SAMD12: variants seen among roughly 807,000 people sequenced by gnomAD.
SAMD12 encodes the protein sterile alpha motif domain containing 12.
SAMD12 carries 9 observed loss-of-function variants against 15.0 expected under a neutral mutation model. That is an observed-to-expected ratio of 0.60 (90% CI 0.36 to 1.05). SAMD12 has a LOEUF of 1.05. Among genes scored for constraint, SAMD12 ranks in the 50% least tolerant of loss-of-function variants. The probability of loss-of-function intolerance (pLI) is 0.01; values close to 1 mark genes in which losing one functional copy is unlikely to be tolerated. For missense variants in SAMD12, 230 were observed against 234.2 expected (o/e 0.98, Z 0.12); for synonymous variants, 86 against 90.1 (o/e 0.96, Z 0.25).
intron 2 of SAMD12, among the ~76,000 whole-genome samples, chr8:118,561,298 A>G (rs1043464715): frequency 7.9e-5 from 12 of 152,224 alleles, no homozygotes; most frequent in Non-Finnish European, 1.5e-4. Context: ...ACATCTCTAT[A>G]TTTTAAATTT....
intron 2 of SAMD12, among the ~76,000 whole-genome samples, chr8:118,507,509 C>A (rs1271249784): frequency 6.6e-6 from 1 of 152,018 alleles, no homozygotes; most frequent in Non-Finnish European, 1.5e-5. Context: ...ATGGAAAAAA[C>A]CCCTGAGGCT....
chr8:118,168,343 C>T, the SAMD12 span, among the ~76,000 whole-genome samples: 2 of 152,154 alleles, frequency 1.3e-5, no homozygotes, highest in Non-Finnish European at 2.9e-5. Context: ...CAACCTGTGT[C>T]CTCTCTTTCC....
intron 4 of SAMD12, among the ~76,000 whole-genome samples, chr8:118,234,422 G>C (rs1390351879): frequency 1.3e-5 from 2 of 152,146 alleles, no homozygotes; most frequent in East Asian, 3.9e-4. Flanking sequence ...CATCTCACTT[G>C]CTGCTGTCTT....
At chr8:118,365,472 C>T (rs547892558) in intron 4 of SAMD12, among the ~76,000 whole-genome samples, 28 of 152,210 alleles carry the variant, frequency 1.8e-4, no homozygotes, top group African/African-American at 5.1e-4. Context: ...CAACTTGTTT[C>T]GTTCTCTCCT....
At chr8:118,279,887 T>C (rs1357577485) in intron 4 of SAMD12, among the ~76,000 whole-genome samples, 2 of 152,206 alleles carry the variant, frequency 1.3e-5, no homozygotes, top group Non-Finnish European at 2.9e-5. Context: ...GAAGAGGTAG[T>C]TGGTGAAGTA....
the SAMD12 span, among the ~76,000 whole-genome samples, chr8:118,135,317 G>C: frequency 6.6e-6 from 1 of 152,016 alleles, no homozygotes; most frequent in Non-Finnish European, 1.5e-5. Context: ...GAGTAGCTGG[G>C]ATTACAGGCA....
chr8:118,256,565 T>C (rs542190145), intron 4 of SAMD12, among the ~76,000 whole-genome samples: 2 of 152,148 alleles, frequency 1.3e-5, no homozygotes, highest in African/African-American at 2.4e-5. Flanking sequence ...AGCCTCAGTA[T>C]AGGTCAAGTT....
At chr8:118,586,568 C>A (rs1361356367) in intron 1 of SAMD12, among the ~76,000 whole-genome samples, 2 of 152,126 alleles carry the variant, frequency 1.3e-5, no homozygotes, top group Non-Finnish European at 2.9e-5. Context: ...GTCTTAGACT[C>A]CTGGGCTCAA....
At chr8:118,589,730 A>G (rs1827533665) in intron 1 of SAMD12, among the ~76,000 whole-genome samples, 1 of 152,208 alleles carries the variant, frequency 6.6e-6, no homozygotes, top group Non-Finnish European at 1.5e-5. Context: ...TTTAACTATG[A>G]TACTACAGAA....
At chr8:118,133,020 A>G in the SAMD12 span, among the ~76,000 whole-genome samples, 14 of 97,288 alleles carry the variant, frequency 1.4e-4, no homozygotes, top group African/African-American at 4.8e-4. Flanking sequence ...ATATATATAT[A>G]TATATATCTT....
chr8:118,219,485 G>C (rs1812036609), intron 4 of SAMD12, among the ~76,000 whole-genome samples: 2 of 152,222 alleles, frequency 1.3e-5, no homozygotes, highest in African/African-American at 4.8e-5. Flanking sequence ...ATTAAAGGTA[G>C]CTACAAATTC....
At chr8:118,158,742 C>G in the SAMD12 span, among the ~76,000 whole-genome samples, 1 of 152,108 alleles carries the variant, frequency 6.6e-6, no homozygotes, top group East Asian at 1.9e-4. Flanking sequence ...GCACTTCCTC[C>G]CCTCCGGAGC....
chr8:118,257,270 C>T (rs1011605198), intron 4 of SAMD12, among the ~76,000 whole-genome samples: 2 of 152,080 alleles, frequency 1.3e-5, no homozygotes, highest in African/African-American at 4.8e-5. Context: ...TAATCAGACA[C>T]CTTCTGCCAG....
At chr8:118,562,716 A>G (rs942861132) in intron 2 of SAMD12, among the ~76,000 whole-genome samples, 9 of 152,386 alleles carry the variant, frequency 5.9e-5, no homozygotes, top group African/African-American at 2.2e-4. Flanking sequence ...AGTATATACA[A>G]ATTATTCCCT....
In SAMD12 at chr8:118,584,467, C is replaced by T. The variant is rs922506272; in HGVS notation, c.14-3574G>A. On this transcript the variant is annotated intron_variant, in intron 1 of 3. Transcript: ENST00000314727. ...TTAATGGGCTTGGCAGCTCACTGGT[C>T]GGCTTCGAGACCCTCTTCTCGTTTC... is the stretch of plus-strand genomic sequence containing the variant. Among the ~76,000 whole-genome samples the T allele has an allele frequency of 4.6e-5, 7 of 152,076 alleles. No individual in the cohort carries two copies. The East Asian group carries it at 9.7e-4, about 21-fold the overall frequency.
chr8:118,227,291 C>A (rs951546007), intron 4 of SAMD12, among the ~76,000 whole-genome samples: 2 of 152,100 alleles, frequency 1.3e-5, no homozygotes, highest in Admixed American at 1.3e-4. Flanking sequence ...CACATCTTCT[C>A]ACTTATAAGT....
chr8:118,359,261 C>A (rs1199608496), intron 4 of SAMD12, among the ~76,000 whole-genome samples: 2 of 152,102 alleles, frequency 1.3e-5, no homozygotes, highest in African/African-American at 4.8e-5. Context: ...TGTGAAGACA[C>A]AGGGTTAAGT....
rs150526079 is a variant in SAMD12 at position 118,615,668 on chromosome 8, G to A, written c.13+6136C>T. On this transcript the variant is annotated intron_variant, in intron 1 of 3. Coordinates refer to ENST00000314727, the MANE Select transcript of SAMD12 (RefSeq NM_207506.3). ...CCCTACCCTTGTAATATGTCACCAC[G>A]TCATCCACTGTGACTCAGCATTACA... Among the ~76,000 whole-genome samples the A allele has an allele frequency of 2.1e-3, 318 of 152,268 alleles. 2 individuals are homozygous for A. The highest frequency in any genetic ancestry group is 0.014 in the Middle Eastern group (4 of 294).
At chr8:118,547,501 A>G (rs898869964) in intron 2 of SAMD12, among the ~76,000 whole-genome samples, 21 of 152,200 alleles carry the variant, frequency 1.4e-4, no homozygotes, top group Non-Finnish European at 2.9e-4. Flanking sequence ...GGCCAAATCC[A>G]CATCTCATTT....
Sources: gnomAD v4.1 joint callset for allele counts (sites outside exome capture counted in the v4.1 genomes callset) on GRCh38, gnomAD v4.1.1 for gene constraint, MANE v1.5 for transcripts, NCBI Gene and HGNC (gene_info 2026-07-23, HGNC 2026-07-21) for gene names.